Variants in KCNN3 observed in about 807,000 individuals in gnomAD.
KCNN3 encodes the protein small conductance calcium-activated potassium channel protein 3.
A neutral mutation model predicts 62.9 loss-of-function variants in KCNN3; 16 were observed. That is an observed-to-expected ratio of 0.25 (90% confidence interval 0.17 to 0.39). The LOEUF (loss-of-function observed/expected upper bound fraction) is 0.39. KCNN3 is among the 10% of genes least tolerant of loss of function. The probability of loss-of-function intolerance (pLI) is 1.00; values close to 1 mark genes in which losing one functional copy is unlikely to be tolerated. For synonymous variants in KCNN3, 370 were observed against 389.2 expected (o/e 0.95, Z 0.58); for missense variants, 599 against 949.4 (o/e 0.63, Z 4.85).
At chr1:154,791,850 C>T (rs369606502) in intron 2 of KCNN3, among the ~76,000 whole-genome samples, 1 of 152,212 alleles carries the variant, frequency 6.6e-6, no homozygotes. Flanking sequence ...AAAACCAAAC[C>T]TCCTCTGAGA....
intron 2 of KCNN3, among the ~76,000 whole-genome samples, chr1:154,804,134 G>A (rs923466594): frequency 6.6e-5 from 10 of 152,224 alleles, no homozygotes; most frequent in East Asian, 1.9e-4. Flanking sequence ...AGGATTTGAA[G>A]AGACTGGCTG....
chr1:154,716,518 C>T (rs898655719), intron 5 of KCNN3, among the ~76,000 whole-genome samples: 2 of 152,162 alleles, frequency 1.3e-5, no homozygotes, highest in African/African-American at 4.8e-5. Flanking sequence ...GTTTTGCAGG[C>T]TGATAACTTT....
intron 2 of KCNN3, among the ~76,000 whole-genome samples, chr1:154,800,034 G>A (rs1321843209): frequency 2.0e-5 from 3 of 152,226 alleles, no homozygotes; most frequent in Non-Finnish European, 2.9e-5. Flanking sequence ...AGGGTGTGAC[G>A]TATGCATGGG....
chr1:154,794,726 G>A (rs1359173163), intron 2 of KCNN3, among the ~76,000 whole-genome samples: 1 of 152,204 alleles, frequency 6.6e-6, no homozygotes, highest in African/African-American at 2.4e-5. Flanking sequence ...AGGAGCAGCA[G>A]TATGCCTGAG....
chr1:154,755,631 GAA>G lies in KCNN3; in HGVS notation c.1448+16342_1448+16343del, dbSNP rs1647631134. ...GGAGGGAGGGAGGGAAGGAAGGAAA[GAA>G]AGAAAAGAAAGAAAGAAGAAAGGAA... On this transcript the variant is annotated intron_variant, in intron 3 of 7. Transcript: ENST00000271915. 2.3e-5 allele frequency among the ~76,000 whole-genome samples: 3 copies of G among 130,780 alleles called. 1 individual carries two copies. Among genetic ancestry groups the G allele is most frequent in the Admixed American group, 8.1e-5 (1 of 12,346 alleles). The allele number at this position is 130,780 out of a possible 152,430, so 85.8% of individuals were successfully genotyped here.
At chr1:154,728,275 C>G (rs994657761) in intron 4 of KCNN3, among the ~76,000 whole-genome samples, 6 of 152,184 alleles carry the variant, frequency 3.9e-5, no homozygotes, top group Non-Finnish European at 7.3e-5. Flanking sequence ...GGAGGCAGGA[C>G]AGTGGACTAG....
At chr1:154,736,722 G>T (rs530081312) in intron 3 of KCNN3, among the ~76,000 whole-genome samples, 3 of 152,298 alleles carry the variant, frequency 2.0e-5, no homozygotes, top group African/African-American at 7.2e-5. Flanking sequence ...TGGCTGTTTG[G>T]CTGCCCTTAG....
At chr1:154,805,578 T>C (rs550825680) in intron 2 of KCNN3, among the ~76,000 whole-genome samples, 6 of 152,340 alleles carry the variant, frequency 3.9e-5, no homozygotes, top group Non-Finnish European at 8.8e-5. Context: ...GGGTGGGCTC[T>C]TTTGATCTCT....
intron 1 of KCNN3, among the ~76,000 whole-genome samples, chr1:154,860,125 T>C (rs1652704932): frequency 1.3e-5 from 2 of 152,200 alleles, no homozygotes; most frequent in African/African-American, 4.8e-5. Flanking sequence ...CGTCACCCAC[T>C]GCCACAGCCC....
In KCNN3 at chr1:154,855,841, A is replaced by G. The variant is rs2101928138; in HGVS notation, c.933+13191T>C. ...AGTTTCTAAGTGTCTAGCATATGGT[A>G]GGTGCTTGACAGATGCCTACTGAAT... On this transcript the variant is annotated intron_variant, in intron 1 of 7. Coordinates refer to ENST00000271915, the MANE Select transcript of KCNN3 (RefSeq NM_002249.6). Among the ~76,000 whole-genome samples, 4 of 152,298 alleles carry G rather than the reference A, an allele frequency of 2.6e-5. No homozygotes were observed. In the Middle Eastern group the frequency reaches 0.014, roughly 518 times the overall value.
intron 2 of KCNN3, among the ~76,000 whole-genome samples, chr1:154,785,309 A>G (rs768372314): frequency 1.1e-4 from 16 of 152,320 alleles, no homozygotes; most frequent in Non-Finnish European, 1.6e-4. Context: ...GCAACTAAAA[A>G]TAAATAGGTT....
chr1:154,793,895 A>AAGTGTGGTGGC, intron 2 of KCNN3, among the ~76,000 whole-genome samples: 3 of 152,150 alleles, frequency 2.0e-5, no homozygotes, highest in African/African-American at 7.2e-5. Flanking sequence ...GTGGGAGAGC[A>AAGTGTGGTGGC]TCCGTCATTC....
chr1:154,808,292 C>T (rs557956650), intron 2 of KCNN3, among the ~76,000 whole-genome samples: 5 of 152,298 alleles, frequency 3.3e-5, no homozygotes, highest in South Asian at 2.1e-4. Flanking sequence ...ATTCCCTTTA[C>T]GATCAGCTGC....
chr1:154,852,830 G>A (rs1237173818), intron 1 of KCNN3, among the ~76,000 whole-genome samples: 1 of 151,982 alleles, frequency 6.6e-6, no homozygotes. Flanking sequence ...CGTGTCCACC[G>A]GACAGTGCTG....
intron 3 of KCNN3, among the ~76,000 whole-genome samples, chr1:154,771,148 T>C (rs923164189): frequency 1.3e-5 from 2 of 152,006 alleles, no homozygotes; most frequent in South Asian, 2.1e-4. Context: ...AGAAGAGTCA[T>C]TAAAGGCAGC....
intron 1 of KCNN3, among the ~76,000 whole-genome samples, chr1:154,825,961 C>G (rs1008417405): frequency 6.6e-5 from 10 of 150,818 alleles, no homozygotes; most frequent in African/African-American, 2.4e-4. Context: ...GGCAGGAGAA[C>G]GGCATGAACC....
At chr1:154,864,340 G>A (rs1235061323) in intron 1 of KCNN3, among the ~76,000 whole-genome samples, 3 of 152,262 alleles carry the variant, frequency 2.0e-5, no homozygotes, top group Non-Finnish European at 2.9e-5. Context: ...CAGCACCTGG[G>A]TCCAAACAGA....
At chr1:154,728,816 T>G (rs1700529322) in intron 4 of KCNN3, among the ~76,000 whole-genome samples, 1 of 152,002 alleles carries the variant, frequency 6.6e-6, no homozygotes, top group Admixed American at 6.6e-5. Context: ...AATGATGGGC[T>G]GATGGGATTG....
In KCNN3 at chr1:154,773,262, G is replaced by A. The variant is rs536064728; in HGVS notation, c.1030-869C>T. 5.3e-5 allele frequency among the ~76,000 whole-genome samples: 8 copies of A among 152,268 alleles called. No homozygotes were observed. In the East Asian group the frequency reaches 7.7e-4, roughly 15 times the overall value. On this transcript the variant is annotated intron_variant, in intron 2 of 7. Transcript: ENST00000271915. ...GGTCCCTGGACACGTGGAGTGTTGC[G>A]TGCCCAGAGAGGGCATGGAAGCTCC...
Sources: allele counts gnomAD v4.1 joint callset (sites outside exome capture counted in the v4.1 genomes callset), GRCh38; gene constraint gnomAD v4.1.1; transcripts MANE v1.5; gene names NCBI Gene and HGNC (gene_info 2026-07-23, HGNC 2026-07-21).